Variants in MECOM observed in about 807,000 individuals in gnomAD.
The protein encoded by MECOM is MDS1 and EVI1 complex locus, also known as histone-lysine N-methyltransferase MECOM.
Under a neutral mutation model 116.3 loss-of-function variants are expected in MECOM, and 13 were observed. The observed-to-expected ratio is 0.11, with a 90% CI of 0.07 to 0.18. MECOM has a LOEUF of 0.18. Among genes scored for constraint, MECOM ranks in the 10% least tolerant of loss-of-function variants. The probability of loss-of-function intolerance (pLI) is 1.00; values close to 1 mark genes in which losing one functional copy is unlikely to be tolerated. For synonymous variants in MECOM, 528 were observed against 535.2 expected (o/e 0.99, Z 0.19); for missense variants, 1,299 against 1,509.0 (o/e 0.86, Z 2.31).
intron 1 of MECOM, among the ~76,000 whole-genome samples, chr3:169,405,916 AGCACTTTGCATAAGAAT>A (rs1292903697): frequency 6.6e-6 from 1 of 152,216 alleles, no homozygotes; most frequent in Non-Finnish European, 1.5e-5. Context: ...GGGTTTACAG[AGCACTTTGCATAAGAAT>A]GAGAAAATGC....
intron 2 of MECOM, among the ~76,000 whole-genome samples, chr3:169,312,897 A>T (rs1719070431): frequency 2.0e-5 from 3 of 152,156 alleles, no homozygotes; most frequent in Admixed American, 2.0e-4. Flanking sequence ...GGAGTCATCC[A>T]AGTAGGGCTG....
intron 1 of MECOM, among the ~76,000 whole-genome samples, chr3:169,515,785 T>G (rs1173152780): frequency 2.0e-5 from 3 of 152,246 alleles, no homozygotes; most frequent in Non-Finnish European, 4.4e-5. Context: ...TTTGTAAAAA[T>G]ATCTTGCAAG....
At chr3:169,180,231 T>C (rs1745765276) in intron 2 of MECOM, among the ~76,000 whole-genome samples, 1 of 152,216 alleles carries the variant, frequency 6.6e-6, no homozygotes, top group Non-Finnish European at 1.5e-5. Flanking sequence ...AAGGTCTTTA[T>C]AAGCTAAGGC....
At position 169,404,405 on chromosome 3, in the gene MECOM, TA is replaced by T. The variant is rs1055329695; in HGVS notation, c.38-22882del. On this transcript the variant is annotated intron_variant, in intron 1 of 16. Coordinates refer to ENST00000651503, the MANE Select transcript of MECOM (RefSeq NM_004991.4). ...CAAACAACAAAACAATCCAGAGAGT[TA>T]AAAAAAAATTTTTAAGGCTTACCAA... Among the ~76,000 whole-genome samples the T allele has an allele frequency of 2.6e-5, 4 of 151,618 alleles. No individual in the cohort carries two copies. In the East Asian group the frequency reaches 5.8e-4, roughly 22 times the overall value.
intron 1 of MECOM, among the ~76,000 whole-genome samples, chr3:169,554,819 A>G (rs1185115535): frequency 2.6e-5 from 4 of 152,224 alleles, no homozygotes; most frequent in Admixed American, 2.0e-4. Flanking sequence ...GACCAGGAAC[A>G]ACAAACAAGG....
intron 2 of MECOM, among the ~76,000 whole-genome samples, chr3:169,354,305 C>A (rs146331486): frequency 1.5e-4 from 23 of 151,950 alleles, no homozygotes; most frequent in African/African-American, 5.1e-4. Context: ...CCCTAGGCTA[C>A]CCAAGAACAT....
At chr3:169,561,203 C>T (rs192617787) in intron 1 of MECOM, among the ~76,000 whole-genome samples, 2 of 151,980 alleles carry the variant, frequency 1.3e-5, no homozygotes. Context: ...CTTTCATACA[C>T]AGTAAGTAAG....
intron 1 of MECOM, among the ~76,000 whole-genome samples, chr3:169,445,837 G>A (rs1249207760): frequency 6.6e-6 from 1 of 152,214 alleles, no homozygotes; most frequent in Non-Finnish European, 1.5e-5. Flanking sequence ...AGTGTAACCT[G>A]GATGTGAGAC....
At chr3:169,440,818 T>C (rs976032084) in intron 1 of MECOM, among the ~76,000 whole-genome samples, 2 of 152,016 alleles carry the variant, frequency 1.3e-5, no homozygotes, top group African/African-American at 4.8e-5. Flanking sequence ...TCTCCACCAG[T>C]TTAGACAGCT....
At chr3:169,521,439 A>G (rs1007266135) in intron 1 of MECOM, among the ~76,000 whole-genome samples, 9 of 152,182 alleles carry the variant, frequency 5.9e-5, no homozygotes, top group African/African-American at 1.9e-4. Flanking sequence ...CCCAAGAAAA[A>G]GAAGGCCAGA....
At chr3:169,596,804 A>G (rs925764058) in intron 1 of MECOM, among the ~76,000 whole-genome samples, 5 of 152,168 alleles carry the variant, frequency 3.3e-5, no homozygotes, top group Non-Finnish European at 4.4e-5. Flanking sequence ...CAACCTCCCC[A>G]ATATAAATAT....
At chr3:169,509,139 CCTGT>C (rs1173136306) in intron 1 of MECOM, among the ~76,000 whole-genome samples, 2 of 152,152 alleles carry the variant, frequency 1.3e-5, no homozygotes, top group African/African-American at 4.8e-5. Flanking sequence ...GAAAAGGTTC[CCTGT>C]CTAAGACTAG....
chr3:169,404,485 C>G (rs981223504), intron 1 of MECOM, among the ~76,000 whole-genome samples: 1 of 152,156 alleles, frequency 6.6e-6, no homozygotes, highest in Admixed American at 6.5e-5. Context: ...ACAAACCCAG[C>G]CAAACATAAA....
intron 1 of MECOM, among the ~76,000 whole-genome samples, chr3:169,656,440 T>C (rs1775555308): frequency 1.3e-5 from 2 of 152,074 alleles, no homozygotes; most frequent in South Asian, 4.1e-4. Flanking sequence ...AAATAAGAAT[T>C]AATTCAAGAA....
At chr3:169,216,547 G>A (rs1371223943) in intron 2 of MECOM, among the ~76,000 whole-genome samples, 4 of 147,518 alleles carry the variant, frequency 2.7e-5, no homozygotes, top group African/African-American at 5.0e-5. Context: ...AGAAATAAAT[G>A]TACTGCTAAT....
chr3:169,651,987 T>C (rs1353315111), intron 1 of MECOM, among the ~76,000 whole-genome samples: 1 of 152,162 alleles, frequency 6.6e-6, no homozygotes, highest in African/African-American at 2.4e-5. Context: ...AATTATTGTG[T>C]ATAAATTTTG....
At chr3:169,243,657 T>C (rs1222672411) in intron 2 of MECOM, among the ~76,000 whole-genome samples, 1 of 152,112 alleles carries the variant, frequency 6.6e-6, no homozygotes, top group Non-Finnish European at 1.5e-5. Flanking sequence ...TTTTCCACTT[T>C]GGAAAAAATA....
At chr3:169,405,957 C>G (rs1736631162) in intron 1 of MECOM, among the ~76,000 whole-genome samples, 2 of 152,158 alleles carry the variant, frequency 1.3e-5, no homozygotes, top group Non-Finnish European at 2.9e-5. Flanking sequence ...CAGACTTCAT[C>G]AAATAATTGG....
intron 1 of MECOM, among the ~76,000 whole-genome samples, chr3:169,407,019 A>G (rs1219712750): frequency 6.6e-6 from 1 of 151,106 alleles, no homozygotes; most frequent in African/African-American, 2.4e-5. Context: ...ATTTTTTCTC[A>G]TGTATTTTTA....
Sources: allele counts gnomAD v4.1 joint callset (sites outside exome capture counted in the v4.1 genomes callset), GRCh38; gene constraint gnomAD v4.1.1; transcripts MANE v1.5; gene names NCBI Gene and HGNC (gene_info 2026-07-23, HGNC 2026-07-21).